The following DLG2 variants were observed in gnomAD, a reference collection of about 807,000 sequenced individuals.
DLG2 encodes the protein disks large homolog 2.
A neutral mutation model predicts 132.5 loss-of-function variants in DLG2; 45 were observed. The observed-to-expected ratio is 0.34, with a 90% CI of 0.27 to 0.44. The LOEUF (loss-of-function observed/expected upper bound fraction) is 0.44. Among genes scored for constraint, DLG2 ranks in the 20% least tolerant of loss-of-function variants. The pLI, the probability that DLG2 is intolerant of heterozygous loss-of-function variation, is 1.00. For synonymous variants in DLG2, 424 were observed against 419.6 expected, an observed-to-expected ratio of 1.01 and a Z score of -0.13; for missense variants, 1,045 against 1,196.9, an observed-to-expected ratio of 0.87 and a Z score of 1.87.
chr11:84,524,850 C>A (rs191344982), intron 7 of DLG2, among the ~76,000 whole-genome samples: 1 of 120,780 alleles, frequency 8.3e-6, no homozygotes, highest in African/African-American at 3.0e-5. Flanking sequence ...TAGGGTATTT[C>A]TTTTTTTTTT....
At chr11:83,806,387 T>G (rs1312319472) in intron 17 of DLG2, among the ~76,000 whole-genome samples, 1 of 152,150 alleles carries the variant, frequency 6.6e-6, no homozygotes, top group Non-Finnish European at 1.5e-5. Context: ...CTCTATACAC[T>G]TTCTCTACAC....
chr11:84,227,414 A>G (rs1453978358), intron 8 of DLG2, among the ~76,000 whole-genome samples: 1 of 152,166 alleles, frequency 6.6e-6, no homozygotes, highest in African/African-American at 2.4e-5. Flanking sequence ...TCATGAGTGT[A>G]TATCATGGAA....
In DLG2 at chr11:83,626,689, C is replaced by T. The variant is rs185721216; in HGVS notation, c.1940+6522G>A. ...AGGGCTGGAAAGGGGTGAAGAATGC[C>T]GAGGGGAAATAGAAGAAATCATGTG... On this transcript the variant is annotated intron_variant, in intron 19 of 27. Transcript: ENST00000376104. Among the ~76,000 whole-genome samples, 14 of 152,094 alleles carry T rather than the reference C, an allele frequency of 9.2e-5. No individual in the cohort carries two copies. In the East Asian group the frequency reaches 1.5e-3, roughly 17 times the overall value.
At chr11:84,651,785 C>T (rs2099682359) in intron 6 of DLG2, among the ~76,000 whole-genome samples, 1 of 152,172 alleles carries the variant, frequency 6.6e-6, no homozygotes, top group Non-Finnish European at 1.5e-5. Flanking sequence ...ACATCTATAA[C>T]TTTGCTTCCA....
Position 85,511,628 on chromosome 11 carries a change from T to A in DLG2, c.40+87029A>T, listed in dbSNP as rs564457510. On this transcript the variant is annotated intron_variant, in intron 3 of 27. Coordinates refer to ENST00000376104, the MANE Select transcript of DLG2 (RefSeq NM_001142699.3). ...AAGGGACTATGCATGTCTTGGAAATTTATCACTGAGGCTTCATCCTTCATT... is the reference window on the plus strand; with the variant it reads ...AAGGGACTATGCATGTCTTGGAAATATATCACTGAGGCTTCATCCTTCATT... Among the ~76,000 whole-genome samples, 50 of 152,180 alleles carry A rather than the reference T, an allele frequency of 3.3e-4. 1 individual carries two copies. In the South Asian group the frequency reaches 9.1e-3, roughly 28 times the overall value.
chr11:85,578,851 T>C (rs1471345290), intron 3 of DLG2, among the ~76,000 whole-genome samples: 1 of 152,136 alleles, frequency 6.6e-6, no homozygotes, highest in Non-Finnish European at 1.5e-5. Flanking sequence ...AAGACAGAAA[T>C]ACCATTTGAC....
chr11:85,277,287 GAAA>G (rs2077951353), intron 4 of DLG2, among the ~76,000 whole-genome samples: 1 of 152,120 alleles, frequency 6.6e-6, no homozygotes, highest in East Asian at 1.9e-4. Flanking sequence ...AAGATTCTAT[GAAA>G]GCCTGAATTA....
At chr11:84,142,841 C>T (rs1241234747) in intron 9 of DLG2, among the ~76,000 whole-genome samples, 1 of 152,128 alleles carries the variant, frequency 6.6e-6, no homozygotes, top group Non-Finnish European at 1.5e-5. Context: ...AATTGTACCA[C>T]TGACTTTCTT....
intron 6 of DLG2, among the ~76,000 whole-genome samples, chr11:84,798,321 T>TA (rs142146323): frequency 0.1 from 15,616 of 151,966 alleles, 885 homozygotes; most frequent in Non-Finnish European, 0.12. Flanking sequence ...GGGACTGAAG[T>TA]AAAAAAAACC....
At chr11:84,960,305 T>C (rs1353318692) in intron 6 of DLG2, among the ~76,000 whole-genome samples, 6 of 152,172 alleles carry the variant, frequency 3.9e-5, no homozygotes, top group Non-Finnish European at 7.3e-5. Context: ...CTGCCGTAAA[T>C]GAAATAAAGG....
At chr11:85,064,480 G>A (rs367806521) in intron 6 of DLG2, among the ~76,000 whole-genome samples, 3 of 151,560 alleles carry the variant, frequency 2.0e-5, no homozygotes, top group Non-Finnish European at 3.0e-5. Flanking sequence ...TCTATACCTC[G>A]CCACTTACAT....
chr11:84,968,341 A>G (rs1412437702), intron 6 of DLG2, among the ~76,000 whole-genome samples: 1 of 152,156 alleles, frequency 6.6e-6, no homozygotes, highest in African/African-American at 2.4e-5. Context: ...CAGAATAATA[A>G]CAGAGGTAAC....
At chr11:85,322,243 C>A (rs181048461) in intron 3 of DLG2, among the ~76,000 whole-genome samples, 1 of 152,052 alleles carries the variant, frequency 6.6e-6, no homozygotes, top group African/African-American at 2.4e-5. Context: ...AGCCCCTTTC[C>A]GTGTAAATTT....
intron 12 of DLG2, among the ~76,000 whole-genome samples, chr11:83,976,508 A>G (rs551401642): frequency 1.1e-4 from 16 of 151,946 alleles, no homozygotes; most frequent in Non-Finnish European, 2.2e-4. Context: ...TAAAGAGAAG[A>G]GGAGGTAGAA....
intron 9 of DLG2, among the ~76,000 whole-genome samples, chr11:84,126,029 G>T (rs1352523887): frequency 6.6e-6 from 1 of 151,876 alleles, no homozygotes; most frequent in Non-Finnish European, 1.5e-5. Flanking sequence ...TTTAAAAATT[G>T]CATTTTTACT....
chr11:85,372,929 C>G (rs1565394259), intron 3 of DLG2, among the ~76,000 whole-genome samples: 1 of 152,206 alleles, frequency 6.6e-6, no homozygotes, highest in South Asian at 2.1e-4. Flanking sequence ...TCAGTCTGTA[C>G]CCATTTCAAA....
intron 3 of DLG2, among the ~76,000 whole-genome samples, chr11:85,472,297 T>TTTTTTG (rs939642400): frequency 1.1e-4 from 17 of 151,990 alleles, no homozygotes; most frequent in Admixed American, 3.9e-4. Flanking sequence ...CTGAGAACTG[T>TTTTTTG]TTTTTGTTTT....
At position 84,822,612 on chromosome 11, in the gene DLG2, C is replaced by A. The variant is rs530859732; in HGVS notation, c.358-287881G>T. Among the ~76,000 whole-genome samples, 5 of 151,966 alleles carry A rather than the reference C, an allele frequency of 3.3e-5. No individual in the cohort carries two copies. In the East Asian group the frequency reaches 9.8e-4, roughly 30 times the overall value. ...CTGTCAAGCTTAAATGGCAGGGTCA[C>A]AGGAACTAGCTTTCAAAGAACTATG... On this transcript the variant is annotated intron_variant, in intron 6 of 27. Coordinates refer to ENST00000376104, the MANE Select transcript of DLG2 (RefSeq NM_001142699.3).
chr11:85,091,816 GTCT>G (rs758799036), intron 6 of DLG2, among the ~76,000 whole-genome samples: 150 of 152,224 alleles, frequency 9.9e-4, no homozygotes, highest in Admixed American at 1.9e-3. Flanking sequence ...CTATTTCCAT[GTCT>G]GCAGTTACTT....
Sources: allele counts gnomAD v4.1 joint callset (sites outside exome capture counted in the v4.1 genomes callset), GRCh38; gene constraint gnomAD v4.1.1; transcripts MANE v1.5; gene names NCBI Gene and HGNC (gene_info 2026-07-23, HGNC 2026-07-21).